ATXN1: variants seen among roughly 807,000 people sequenced by gnomAD.
ATXN1 encodes the protein ataxin-1.
Under a neutral mutation model 56.4 loss-of-function variants are expected in ATXN1, and 8 were observed. The observed-to-expected ratio is 0.14, with a 90% CI of 0.08 to 0.26. The LOEUF is 0.26. ATXN1 is among the 10% of genes least tolerant of loss of function. The pLI is 1.00. For synonymous variants in ATXN1, 514 were observed against 494.6 expected, an observed-to-expected ratio of 1.04 and a Z score of -0.52; for missense variants, 987 against 1,106.5, an observed-to-expected ratio of 0.89 and a Z score of 1.53.
intron 3 of ATXN1, among the ~76,000 whole-genome samples, chr6:16,597,754 G>T (rs1444313705): frequency 6.6e-6 from 1 of 152,096 alleles, no homozygotes; most frequent in African/African-American, 2.4e-5. Context: ...AACTATTCTT[G>T]ATGTAAGGAG....
intron 6 of ATXN1, among the ~76,000 whole-genome samples, chr6:16,429,375 A>AT (rs1482676290): frequency 1.6e-4 from 2 of 12,568 alleles, no homozygotes; most frequent in Non-Finnish European, 3.5e-4. Context: ...TCCTTTTAGC[A>AT]TTAAAAAAAA....
At chr6:16,660,102 C>T (rs897542638) in intron 2 of ATXN1, among the ~76,000 whole-genome samples, 9 of 152,224 alleles carry the variant, frequency 5.9e-5, no homozygotes, top group Non-Finnish European at 8.8e-5. Flanking sequence ...AAGAAAACAA[C>T]TGAAAATTCT....
At chr6:16,449,294 T>C (rs531692024) in intron 6 of ATXN1, among the ~76,000 whole-genome samples, 2 of 152,320 alleles carry the variant, frequency 1.3e-5, no homozygotes, top group South Asian at 4.1e-4. Context: ...AATTTTGGTA[T>C]GTAATAAATA....
chr6:16,338,069 G>C (rs1761164582), intron 6 of ATXN1, among the ~76,000 whole-genome samples: 1 of 152,152 alleles, frequency 6.6e-6, no homozygotes, highest in African/African-American at 2.4e-5. Flanking sequence ...GATGATAATA[G>C]ATCAATAATA....
chr6:16,685,607 G>A (rs1758901484), intron 2 of ATXN1, among the ~76,000 whole-genome samples: 1 of 152,136 alleles, frequency 6.6e-6, no homozygotes, highest in Non-Finnish European at 1.5e-5. Flanking sequence ...TTATTTTACT[G>A]GCAAGGCCTT....
intron 5 of ATXN1, among the ~76,000 whole-genome samples, chr6:16,493,100 A>AT (rs1760702186): frequency 6.6e-6 from 1 of 152,140 alleles, no homozygotes; most frequent in African/African-American, 2.4e-5. Context: ...TCTCTAAACC[A>AT]TTTGAGTCAT....
At chr6:16,406,619 A>G (rs1758690302) in intron 6 of ATXN1, among the ~76,000 whole-genome samples, 1 of 152,242 alleles carries the variant, frequency 6.6e-6, no homozygotes, top group Non-Finnish European at 1.5e-5. Context: ...AAATCAATGT[A>G]CTTTATGTTC....
intron 2 of ATXN1, among the ~76,000 whole-genome samples, chr6:16,724,428 C>G (rs1759806563): frequency 6.6e-6 from 1 of 152,122 alleles, no homozygotes; most frequent in Admixed American, 6.6e-5. Context: ...ACAATGGCCT[C>G]TAATCAAACC....
intron 2 of ATXN1, among the ~76,000 whole-genome samples, chr6:16,726,683 G>A (rs964723381): frequency 8.7e-4 from 133 of 152,040 alleles, no homozygotes; most frequent in African/African-American, 2.7e-3. Flanking sequence ...TGGCCAACAC[G>A]GTGAAACTCC....
chr6:16,345,953 TA>T (rs879282276), intron 6 of ATXN1, among the ~76,000 whole-genome samples: 119 of 151,440 alleles, frequency 7.9e-4, no homozygotes, highest in Non-Finnish European at 6.3e-4. Flanking sequence ...ATTCATTCAA[TA>T]AAAAAAAATT....
At chr6:16,729,106 G>A (rs1029641687) in intron 2 of ATXN1, among the ~76,000 whole-genome samples, 4 of 152,204 alleles carry the variant, frequency 2.6e-5, no homozygotes, top group African/African-American at 9.7e-5. Flanking sequence ...TCTGGCAACT[G>A]AGAATGGGTT....
chr6:16,384,496 A>C (rs7758453), intron 6 of ATXN1, among the ~76,000 whole-genome samples: 52,329 of 152,072 alleles, frequency 0.34, 10,446 homozygotes, highest in East Asian at 0.92. Context: ...ATAAAACAGA[A>C]GATCTAAAAG....
intron 6 of ATXN1, among the ~76,000 whole-genome samples, chr6:16,443,861 A>G (rs750120872): frequency 2.7e-4 from 41 of 152,206 alleles, no homozygotes; most frequent in Non-Finnish European, 5.3e-4. Context: ...TCATGCCTGT[A>G]ATCCCAGCAC....
At chr6:16,422,220 C>T (rs1759050832) in intron 6 of ATXN1, among the ~76,000 whole-genome samples, 2 of 152,132 alleles carry the variant, frequency 1.3e-5, no homozygotes, top group Non-Finnish European at 2.9e-5. Flanking sequence ...AAATATCAGA[C>T]ACTCAAGTAC....
intron 5 of ATXN1, among the ~76,000 whole-genome samples, chr6:16,521,286 G>A (rs937719141): frequency 2.6e-5 from 4 of 152,194 alleles, no homozygotes; most frequent in South Asian, 2.1e-4. Flanking sequence ...AAATGGGGCC[G>A]GGCGCGGTGG....
intron 2 of ATXN1, among the ~76,000 whole-genome samples, chr6:16,743,644 G>A (rs1321410999): frequency 6.6e-6 from 1 of 152,208 alleles, no homozygotes; most frequent in Non-Finnish European, 1.5e-5. Flanking sequence ...TATACAAGGG[G>A]AAGAATGGGG....
intron 3 of ATXN1, among the ~76,000 whole-genome samples, chr6:16,625,588 T>A (rs1378825155): frequency 6.6e-6 from 1 of 152,106 alleles, no homozygotes; most frequent in South Asian, 2.1e-4. Flanking sequence ...ATTCAGCAAA[T>A]ATTTACTGAA....
intron 2 of ATXN1, among the ~76,000 whole-genome samples, chr6:16,720,183 T>C (rs1162652024): frequency 1.3e-5 from 2 of 152,130 alleles, no homozygotes; most frequent in African/African-American, 4.8e-5. Flanking sequence ...CAGGGCTGGC[T>C]CCTATACCTT....
chr6:16,335,940 A>G (rs1761113736), intron 6 of ATXN1, among the ~76,000 whole-genome samples: 1 of 152,206 alleles, frequency 6.6e-6, no homozygotes, highest in Non-Finnish European at 1.5e-5. Flanking sequence ...CAGCACCTTA[A>G]TTTTAGACTT....
Sources: allele counts gnomAD v4.1 joint callset (sites outside exome capture counted in the v4.1 genomes callset), GRCh38; gene constraint gnomAD v4.1.1; transcripts MANE v1.5; gene names NCBI Gene and HGNC (gene_info 2026-07-23, HGNC 2026-07-21).